ARL5A: variants seen among roughly 807,000 people sequenced by gnomAD.
The protein encoded by ARL5A is ADP-ribosylation factor-like protein 5A.
A neutral mutation model predicts 25.9 loss-of-function variants in ARL5A; 18 were observed. The ratio of observed to expected loss-of-function variants is 0.69; its 90% confidence interval spans 0.48 to 1.03. The LOEUF is 1.03. Ranked by LOEUF, ARL5A falls within the 50% of genes least tolerant of loss-of-function variation. The pLI is 0.00. For synonymous variants in ARL5A, 61 were observed against 67.5 expected (o/e 0.90, Z 0.47); for missense variants, 170 against 211.9 (o/e 0.80, Z 1.23).
intron 5 of ARL5A, among the ~76,000 whole-genome samples, chr2:151,804,532 T>C (rs892570805): frequency 1.3e-5 from 2 of 152,176 alleles, no homozygotes; most frequent in Admixed American, 6.5e-5. Context: ...AATGGTTGTT[T>C]TGGGGTGGTT....
At position 151,828,194 on chromosome 2, in the gene ARL5A, C is replaced by CA. The variant is rs747870295; in HGVS notation, c.-19_-18insT. 5.0e-5 allele frequency: 81 copies of CA among 1,605,352 alleles called. No individual in the cohort carries two copies. Among genetic ancestry groups the CA allele is most frequent in the Admixed American group, 3.2e-4 (19 of 59,154 alleles). On this transcript the variant is annotated 5_prime_UTR_variant, in exon 1 of 6. Coordinates refer to ENST00000295087, the MANE Select transcript of ARL5A (RefSeq NM_012097.4). Reference sequence around the variant, plus strand: ...ATTCCCATTCTCGGGCAGCGGACCCCCCCCCTCCAGACACCCGGGCCGCCT... The same window carrying CA: ...ATTCCCATTCTCGGGCAGCGGACCCCACCCCCTCCAGACACCCGGGCCGCCT...
chr2:151,817,761 G>A (rs2099831710), intron 1 of ARL5A, among the ~76,000 whole-genome samples: 3 of 152,160 alleles, frequency 2.0e-5, no homozygotes, highest in Admixed American at 1.3e-4. Context: ...CAGCACTTTG[G>A]GAGGCTGAGG....
intron 1 of ARL5A, among the ~76,000 whole-genome samples, chr2:151,820,156 C>G (rs142522915): frequency 6.6e-6 from 1 of 152,314 alleles, no homozygotes; most frequent in Non-Finnish European, 1.5e-5. Context: ...TAGTTGCCTA[C>G]TGAGGAAAGG....
chr2:151,826,928 CTGTGTGTGTG>C (rs202078189), intron 1 of ARL5A, among the ~76,000 whole-genome samples: 1 of 150,756 alleles, frequency 6.6e-6, no homozygotes, highest in Non-Finnish European at 1.5e-5. Flanking sequence ...ACCTACACAT[CTGTGTGTGTG>C]TGTGTGTGCG....
At chr2:151,813,500 C>A (rs1405008256) in intron 3 of ARL5A, among the ~76,000 whole-genome samples, 1 of 152,126 alleles carries the variant, frequency 6.6e-6, no homozygotes, top group East Asian at 1.9e-4. Flanking sequence ...TGATTAAATG[C>A]CTAATGCAGT....
intron 2 of ARL5A, among the ~76,000 whole-genome samples, chr2:151,814,542 T>C (rs1389979454): frequency 6.6e-6 from 1 of 152,100 alleles, no homozygotes; most frequent in Non-Finnish European, 1.5e-5. Flanking sequence ...GTTTCTACTT[T>C]ATAGTTTTCT....
intron 5 of ARL5A, 54 bp downstream of exon 5, chr2:151,806,767 C>T (rs1223009069): frequency 2.0e-6 from 3 of 1,537,982 alleles, no homozygotes; most frequent in Admixed American, 4.0e-5. Flanking sequence ...AGAAGATATA[C>T]ATGTTACTAA....
Position 151,828,272 on chromosome 2 carries a change from G to T in ARL5A, c.-96C>A. The T allele has an allele frequency of 9.1e-7, 1 of 1,101,984 alleles. No individual in the cohort carries two copies. Among genetic ancestry groups the T allele is most frequent in the Non-Finnish European group, 1.3e-6 (1 of 757,550 alleles). 68.3% of individuals were successfully genotyped at this position (1,101,984 alleles called of 1,614,324 possible). ...AGGAGAGAGACGCGCTGGAGCCTCCGCCTCTGCTGCTGCTCCCGCGCTGGT... is the reference window on the plus strand; with the variant it reads ...AGGAGAGAGACGCGCTGGAGCCTCCTCCTCTGCTGCTGCTCCCGCGCTGGT... On this transcript the variant is annotated 5_prime_UTR_variant, in exon 1 of 6. Coordinates refer to ENST00000295087, the MANE Select transcript of ARL5A (RefSeq NM_012097.4).
chr2:151,822,255 T>A (rs2099832445), intron 1 of ARL5A, among the ~76,000 whole-genome samples: 1 of 152,216 alleles, frequency 6.6e-6, no homozygotes. Context: ...AGGTGATCCA[T>A]CTGCCTTGGC....
At position 151,812,278 on chromosome 2, in the gene ARL5A, C is replaced by A. The variant is rs146416576; in HGVS notation, c.339+79G>T. On this transcript the variant is annotated intron_variant, in intron 4 of 5. Transcript: ENST00000295087. The stretch of plus-strand genomic sequence containing the variant: ...TTTTAAAAATTTGAAATTGATAGCA[C>A]CCTCATGAGAAACTAGAAAACAAAG... 2.7e-4 allele frequency: 270 copies of A among 993,754 alleles called. 2 individuals are homozygous for A. In the East Asian group the frequency reaches 6.0e-3, roughly 22 times the overall value. 61.6% of individuals were successfully genotyped at this position (993,754 alleles called of 1,614,324 possible).
At chr2:151,825,283 A>C (rs889754886) in intron 1 of ARL5A, among the ~76,000 whole-genome samples, 2 of 152,152 alleles carry the variant, frequency 1.3e-5, no homozygotes, top group Non-Finnish European at 2.9e-5. Flanking sequence ...CAACTGAAAA[A>C]GTTAATGGGG....
In ARL5A at chr2:151,805,198, T is replaced by C. The variant is rs561367499; in HGVS notation, c.491+1623A>G. On this transcript the variant is annotated intron_variant, in intron 5 of 5. Transcript: ENST00000295087. The stretch of plus-strand genomic sequence containing the variant: ...ATGAATACATGGATAATTGGTATTA[T>C]CTGTGATTTTTTTAATGAACAGTTT... Among the ~76,000 whole-genome samples, 588 of 149,020 alleles carry C rather than the reference T, an allele frequency of 3.9e-3. 3 individuals carry two copies. Among genetic ancestry groups the C allele is most frequent in the African/African-American group, 0.014 (563 of 41,324 alleles).
At chr2:151,821,138 T>C (rs2099832247) in intron 1 of ARL5A, among the ~76,000 whole-genome samples, 1 of 152,178 alleles carries the variant, frequency 6.6e-6, no homozygotes, top group Non-Finnish European at 1.5e-5. Flanking sequence ...TCATAAACTT[T>C]CCAATCATTT....
In ARL5A at chr2:151,799,275, G is replaced by C. The variant is rs2099829100; in HGVS notation, c.*4001C>G. 6.6e-6 allele frequency: 1 copy of C among 152,052 alleles called. No homozygotes were observed. The highest frequency in any genetic ancestry group is 1.5e-5 in the Non-Finnish European group (1 of 68,016). 9.4% of individuals were successfully genotyped at this position (152,052 alleles called of 1,614,324 possible). On this transcript the variant is annotated 3_prime_UTR_variant, in exon 6 of 6. Coordinates refer to ENST00000295087, the MANE Select transcript of ARL5A (RefSeq NM_012097.4). Reference sequence around the variant, plus strand: ...GATGTCTTTAAAGCCCATTTCAACAGGTTTATTTTTTAAGGATAGGCTTTT... The same window carrying C: ...GATGTCTTTAAAGCCCATTTCAACACGTTTATTTTTTAAGGATAGGCTTTT...
intron 1 of ARL5A, among the ~76,000 whole-genome samples, chr2:151,817,711 T>C (rs1350834961): frequency 2.6e-5 from 4 of 152,206 alleles, no homozygotes; most frequent in Non-Finnish European, 2.9e-5. Flanking sequence ...TTTAAAGACC[T>C]AGGGCCCAGG....
intron 1 of ARL5A, among the ~76,000 whole-genome samples, chr2:151,821,811 A>G: frequency 9.1e-6 from 1 of 109,690 alleles, no homozygotes; most frequent in African/African-American, 3.5e-5. Flanking sequence ...TTTTTTTGAG[A>G]CGGAGTCTCG....
intron 1 of ARL5A, among the ~76,000 whole-genome samples, chr2:151,819,487 GAATT>G (rs1426002213): frequency 1.3e-5 from 2 of 151,982 alleles, no homozygotes; most frequent in African/African-American, 4.8e-5. Flanking sequence ...GAAATATGAA[GAATT>G]ATTTAAAAAT....
chr2:151,805,623 G>A lies in ARL5A; in HGVS notation c.491+1198C>T, dbSNP rs557846567. The stretch of plus-strand genomic sequence containing the variant: ...ATAGCCTAGTATGCACCTAGGCTCT[G>A]TGCCATACAACCTGTTGCTCCCAGG... On this transcript the variant is annotated intron_variant, in intron 5 of 5. Transcript: ENST00000295087. Among the ~76,000 whole-genome samples the A allele has an allele frequency of 6.6e-5, 10 of 152,220 alleles. No individual in the cohort carries two copies. In the South Asian group the frequency reaches 2.1e-3, roughly 32 times the overall value.
chr2:151,810,010 A>G (rs1052857772), intron 4 of ARL5A, among the ~76,000 whole-genome samples: 1 of 152,052 alleles, frequency 6.6e-6, no homozygotes, highest in Admixed American at 6.6e-5. Flanking sequence ...TTGAACCCAG[A>G]AGATGGAGGT....
Sources: gnomAD v4.1 joint callset for allele counts (sites outside exome capture counted in the v4.1 genomes callset) on GRCh38, gnomAD v4.1.1 for gene constraint, MANE v1.5 for transcripts, NCBI Gene and HGNC (gene_info 2026-07-23, HGNC 2026-07-21) for gene names.